The following TMEM30A variants were observed in gnomAD, a reference collection of about 807,000 sequenced individuals.
TMEM30A encodes the protein cell cycle control protein 50A.
In TMEM30A, 24 loss-of-function variants were observed where a neutral mutation model predicts 38.2. That is an observed-to-expected ratio of 0.63 (90% CI 0.46 to 0.88). The LOEUF (loss-of-function observed/expected upper bound fraction) is 0.88. TMEM30A is among the 40% of genes least tolerant of loss of function. The pLI is 0.00. For synonymous variants in TMEM30A, 145 were observed against 161.6 expected (o/e 0.90, Z 0.78); for missense variants, 370 against 458.6 (o/e 0.81, Z 1.77).
chr6:75,282,515 TAAG>T (rs1271922642), intron 1 of TMEM30A, among the ~76,000 whole-genome samples: 1 of 152,206 alleles, frequency 6.6e-6, no homozygotes, highest in African/African-American at 2.4e-5. Flanking sequence ...CTTATTATCT[TAAG>T]AAGTTTAAAT....
chr6:75,266,918 C>G (rs1171637594), intron 2 of TMEM30A, among the ~76,000 whole-genome samples: 1 of 152,132 alleles, frequency 6.6e-6, no homozygotes, highest in African/African-American at 2.4e-5. Context: ...CACTAGATGG[C>G]AACCAACTAT....
At chr6:75,284,286 G>A (rs906372689) in intron 1 of TMEM30A, 116 bp downstream of exon 1, 5 of 964,662 alleles carry the variant, frequency 5.2e-6, no homozygotes, top group African/African-American at 3.2e-5. Flanking sequence ...GGGGGTGGTG[G>A]ACGGCGCGAG....
chr6:75,283,602 T>G (rs1364502507), intron 1 of TMEM30A, among the ~76,000 whole-genome samples: 2 of 151,966 alleles, frequency 1.3e-5, no homozygotes, highest in African/African-American at 4.8e-5. Context: ...GTAAAATGTT[T>G]GGTAGACAGT....
intron 1 of TMEM30A, among the ~76,000 whole-genome samples, chr6:75,274,196 G>C (rs569505340): frequency 6.6e-6 from 1 of 152,174 alleles, no homozygotes; most frequent in Non-Finnish European, 1.5e-5. Context: ...GAAAAGGAAG[G>C]TCATTTCAGG....
At chr6:75,267,373 A>G (rs778461704) in intron 2 of TMEM30A, among the ~76,000 whole-genome samples, 9 of 152,228 alleles carry the variant, frequency 5.9e-5, no homozygotes, top group Non-Finnish European at 1.2e-4. Flanking sequence ...TCGTACAGTC[A>G]TAACATTATC....
intron 2 of TMEM30A, among the ~76,000 whole-genome samples, chr6:75,267,003 C>T (rs1237591297): frequency 2.0e-5 from 3 of 152,090 alleles, no homozygotes; most frequent in Admixed American, 1.3e-4. Context: ...CATGTATTAA[C>T]GCAGTTTTGC....
chr6:75,276,808 T>G (rs1772266990), intron 1 of TMEM30A, among the ~76,000 whole-genome samples: 1 of 152,186 alleles, frequency 6.6e-6, no homozygotes, highest in Admixed American at 6.5e-5. Flanking sequence ...TTCCTCCTAA[T>G]ACTTCCCAAT....
rs532026587 is a variant in TMEM30A at position 75,273,783 on chromosome 6, T to C, written c.238-6035A>G. The stretch of plus-strand genomic sequence containing the variant: ...ATCACAGTTATACAAGTTTGATTTA[T>C]AGTATATAATATTTTCCTTGGGTAA... On this transcript the variant is annotated intron_variant, in intron 1 of 6. Coordinates refer to ENST00000230461, the MANE Select transcript of TMEM30A (RefSeq NM_018247.4). Among the ~76,000 whole-genome samples, 57 of 152,350 alleles carry C rather than the reference T, an allele frequency of 3.7e-4. No individual in the cohort carries two copies. In the East Asian group the frequency reaches 0.01, roughly 27 times the overall value.
intron 1 of TMEM30A, among the ~76,000 whole-genome samples, chr6:75,278,496 T>C (rs1171835033): frequency 6.6e-6 from 1 of 152,200 alleles, no homozygotes; most frequent in African/African-American, 2.4e-5. Flanking sequence ...TCATCCCTTC[T>C]TCCACATTGC....
intron 1 of TMEM30A, among the ~76,000 whole-genome samples, chr6:75,280,681 A>G (rs1057412835): frequency 6.6e-6 from 1 of 152,088 alleles, no homozygotes; most frequent in African/African-American, 2.4e-5. Context: ...AAGTACTAAC[A>G]TTACTTGAGA....
chr6:75,284,220 C>T (rs1336060423), intron 1 of TMEM30A, 182 bp downstream of exon 1: 1 of 668,224 alleles, frequency 1.5e-6, no homozygotes, highest in East Asian at 2.7e-5. Flanking sequence ...TAGGACAAAC[C>T]TGCAAATTCA....
At chr6:75,265,860 T>C (rs1772060822) in intron 2 of TMEM30A, among the ~76,000 whole-genome samples, 1 of 152,030 alleles carries the variant, frequency 6.6e-6, no homozygotes, top group Non-Finnish European at 1.5e-5. Flanking sequence ...CCACGTGCAG[T>C]TGAAACTTTC....
intron 2 of TMEM30A, among the ~76,000 whole-genome samples, chr6:75,267,283 C>T (rs1387142508): frequency 6.6e-6 from 1 of 152,050 alleles, no homozygotes; most frequent in Non-Finnish European, 1.5e-5. Flanking sequence ...GTAAAGCTTG[C>T]TTTAGTATCG....
intron 6 of TMEM30A, among the ~76,000 whole-genome samples, chr6:75,257,830 T>C (rs1465573777): frequency 6.6e-6 from 1 of 152,190 alleles, no homozygotes; most frequent in Non-Finnish European, 1.5e-5. Flanking sequence ...TATGACTCAT[T>C]TGGATTATGG....
At chr6:75,284,269 G>A (rs1338100208) in intron 1 of TMEM30A, 133 bp downstream of exon 1, 2 of 814,528 alleles carry the variant, frequency 2.5e-6, no homozygotes, top group African/African-American at 1.7e-5. Context: ...CAGAGAAACA[G>A]AGGGAAGGGG....
At position 75,255,350 on chromosome 6, in the gene TMEM30A, T is replaced by A. The variant is rs1484318147; in HGVS notation, c.*752A>T. On this transcript the variant is annotated 3_prime_UTR_variant, in exon 7 of 7. Coordinates refer to ENST00000230461, the MANE Select transcript of TMEM30A (RefSeq NM_018247.4). The stretch of plus-strand genomic sequence containing the variant: ...GAATTCTTTCTTCCCTTATAAAGTA[T>A]AAGCTTCAAGGGAAATGATTACATA... The A allele has an allele frequency of 1.3e-5, 2 of 152,544 alleles. No homozygotes were observed. Among genetic ancestry groups the A allele is most frequent in the Non-Finnish European group, 2.9e-5 (2 of 67,986 alleles). 9.4% of individuals were successfully genotyped at this position (152,544 alleles called of 1,614,324 possible). A position where few individuals can be genotyped will look rare whatever the true frequency, so the allele number is the denominator to read the frequency against.
intron 1 of TMEM30A, among the ~76,000 whole-genome samples, chr6:75,278,025 T>A (rs1482133484): frequency 1.3e-5 from 2 of 152,170 alleles, no homozygotes; most frequent in Admixed American, 1.3e-4. Context: ...AAGAGGAAGA[T>A]GGTGATATTC....
At chr6:75,265,571 G>A (rs1287261327) in intron 2 of TMEM30A, among the ~76,000 whole-genome samples, 4 of 152,088 alleles carry the variant, frequency 2.6e-5, no homozygotes, top group Admixed American at 6.5e-5. Context: ...CCTTAAAGAC[G>A]TCAAAAAAGT....
intron 1 of TMEM30A, among the ~76,000 whole-genome samples, chr6:75,275,375 A>G (rs956465141): frequency 2.0e-5 from 3 of 152,180 alleles, no homozygotes; most frequent in African/African-American, 7.2e-5. Flanking sequence ...CTTGAACTCT[A>G]TATTTGTTTG....
Sources: gnomAD v4.1 joint callset for allele counts (sites outside exome capture counted in the v4.1 genomes callset) on GRCh38, gnomAD v4.1.1 for gene constraint, MANE v1.5 for transcripts, NCBI Gene and HGNC (gene_info 2026-07-23, HGNC 2026-07-21) for gene names.